Variants in FRAS1 observed in about 807,000 individuals in gnomAD.
The protein encoded by FRAS1 is Fraser extracellular matrix complex subunit 1.
Under a neutral mutation model 435.2 loss-of-function variants are expected in FRAS1, and 290 were observed. That is an observed-to-expected ratio of 0.67 (90% CI 0.61 to 0.73). The LOEUF (loss-of-function observed/expected upper bound fraction) is 0.73, where lower values mean the gene tolerates loss of function less well. Ranked by LOEUF, FRAS1 falls within the 30% of genes least tolerant of loss-of-function variation. The probability of loss-of-function intolerance (pLI) is 0.00; values close to 1 mark genes in which losing one functional copy is unlikely to be tolerated. For synonymous variants in FRAS1, 1,800 were observed against 1,851.0 expected, an observed-to-expected ratio of 0.97 and a Z score of 0.71; for missense variants, 4,860 against 5,001.5, an observed-to-expected ratio of 0.97 and a Z score of 0.85.
intron 18 of FRAS1, among the ~76,000 whole-genome samples, chr4:78,324,465 C>A (rs1034347435): frequency 2.6e-5 from 4 of 152,126 alleles, no homozygotes; most frequent in Non-Finnish European, 5.9e-5. Context: ...ATAACACACA[C>A]ACACGAACAC....
chr4:78,242,280 C>T (rs1453709014), intron 3 of FRAS1, among the ~76,000 whole-genome samples: 1 of 152,150 alleles, frequency 6.6e-6, no homozygotes, highest in Non-Finnish European at 1.5e-5. Context: ...GAACCTTGGG[C>T]CTTGGCTCAT....
intron 2 of FRAS1, among the ~76,000 whole-genome samples, chr4:78,197,940 C>CAAA (rs5859609): frequency 6.9e-6 from 1 of 144,708 alleles, no homozygotes. Context: ...GACTCCCTCT[C>CAAA]AAAAAAAAAA....
chr4:78,536,384 C>T (rs1467201805), intron 71 of FRAS1, among the ~76,000 whole-genome samples: 1 of 152,084 alleles, frequency 6.6e-6, no homozygotes, highest in Non-Finnish European at 1.5e-5. Context: ...GACATACCTT[C>T]CTCTATTGTG....
intron 9 of FRAS1, among the ~76,000 whole-genome samples, chr4:78,274,845 C>T (rs1726911971): frequency 6.6e-6 from 1 of 152,172 alleles, no homozygotes; most frequent in Non-Finnish European, 1.5e-5. Context: ...TGGTGCAGAG[C>T]TGAGTTCAAT....
At chr4:78,435,938 G>A (rs1431600140) in intron 38 of FRAS1, among the ~76,000 whole-genome samples, 1 of 152,034 alleles carries the variant, frequency 6.6e-6, no homozygotes, top group Admixed American at 6.5e-5. Flanking sequence ...AATCTTTGTA[G>A]AATATAAGTT....
chr4:78,319,231 G>A (rs913549571), intron 18 of FRAS1: 39 of 537,968 alleles, frequency 7.2e-5, no homozygotes, highest in Middle Eastern at 4.3e-4. Flanking sequence ...GGTTCCATTC[G>A]CAGGAGTCCC....
chr4:78,535,573 C>T (rs970821104), intron 71 of FRAS1, among the ~76,000 whole-genome samples: 1 of 152,176 alleles, frequency 6.6e-6, no homozygotes, highest in African/African-American at 2.4e-5. Flanking sequence ...TCCTCAACTT[C>T]CCCTTCCTAC....
chr4:78,121,282 C>G (rs1323119654), intron 2 of FRAS1, among the ~76,000 whole-genome samples: 6 of 152,182 alleles, frequency 3.9e-5, no homozygotes, highest in Non-Finnish European at 2.9e-5. Flanking sequence ...AAACAAGTTT[C>G]TTTGAACTAT....
intron 2 of FRAS1, among the ~76,000 whole-genome samples, chr4:78,234,371 A>G (rs931491134): frequency 2.6e-4 from 39 of 151,006 alleles, no homozygotes; most frequent in Middle Eastern, 3.5e-3. Flanking sequence ...GACTACAGGC[A>G]CCCGCCACTG....
intron 25 of FRAS1, among the ~76,000 whole-genome samples, 159 bp downstream of exon 25, chr4:78,374,410 C>T (rs1487681280): frequency 6.6e-6 from 1 of 152,154 alleles, no homozygotes; most frequent in African/African-American, 2.4e-5. Context: ...GCATATCTGC[C>T]GTATGTTGGT....
intron 52 of FRAS1, among the ~76,000 whole-genome samples, 186 bp from the exon 53 acceptor site, chr4:78,473,252 C>A (rs1719762391): frequency 6.6e-6 from 1 of 151,938 alleles, no homozygotes; most frequent in Non-Finnish European, 1.5e-5. Context: ...TTTCACAGAG[C>A]TTCAGGATTT....
intron 2 of FRAS1, among the ~76,000 whole-genome samples, chr4:78,114,734 A>C (rs1743020436): frequency 6.6e-6 from 1 of 152,238 alleles, no homozygotes; most frequent in East Asian, 1.9e-4. Flanking sequence ...TTGGGCTGAT[A>C]CGATGGGGTT....
intron 2 of FRAS1, among the ~76,000 whole-genome samples, chr4:78,080,099 G>T (rs975317291): frequency 7.9e-5 from 12 of 152,076 alleles, no homozygotes. Context: ...AGGTGGAATG[G>T]CATCTCACCT....
chr4:78,498,231 C>T (rs940316486), intron 60 of FRAS1, among the ~76,000 whole-genome samples: 3 of 152,166 alleles, frequency 2.0e-5, no homozygotes, highest in East Asian at 3.8e-4. Flanking sequence ...TAAAAAAGGC[C>T]GGGTGCAGTG....
chr4:78,090,153 G>A (rs1741437681), intron 2 of FRAS1, among the ~76,000 whole-genome samples: 1 of 152,192 alleles, frequency 6.6e-6, no homozygotes, highest in African/African-American at 2.4e-5. Flanking sequence ...AATGTGCATA[G>A]GCTGGAAAGA....
chr4:78,204,806 A>G (rs1184287490), intron 2 of FRAS1, among the ~76,000 whole-genome samples: 1 of 152,264 alleles, frequency 6.6e-6, no homozygotes, highest in Non-Finnish European at 1.5e-5. Context: ...AGACATCACT[A>G]CAATGAAAGC....
chr4:78,432,855 C>T (rs1255690986), intron 38 of FRAS1, among the ~76,000 whole-genome samples: 1 of 152,092 alleles, frequency 6.6e-6, no homozygotes, highest in East Asian at 1.9e-4. Flanking sequence ...TGTTTGTCAA[C>T]AGAAGAGGGG....
chr4:78,343,157 G>A (rs527812746), intron 20 of FRAS1, among the ~76,000 whole-genome samples: 2 of 152,242 alleles, frequency 1.3e-5, no homozygotes, highest in South Asian at 2.1e-4. Context: ...TTTATTGCAG[G>A]ATTTCTGAGA....
Position 78,379,897 on chromosome 4 carries a change from G to A in FRAS1, c.3464G>A (p.Arg1155Lys), listed in dbSNP as rs1331609025. The A allele has an allele frequency of 1.9e-6, 3 of 1,613,906 alleles. No homozygotes were observed. Among genetic ancestry groups the A allele is most frequent in the Admixed American group, 3.3e-5 (2 of 60,004 alleles). ...TPTNGQLVLS[R>K]NGKEVQLDKA... ...ACCAATGGTCAGCTAGTGCTCTCAA[G>A]AAATGGAAAAGAGGTTCAGCTGGAC... is the stretch of plus-strand genomic sequence containing the variant. Residue 1155 changes from arginine (R) to lysine (K), a missense_variant, in exon 27 of 74, where the codon AGA becomes AAA. Coordinates refer to ENST00000512123, the MANE Select transcript of FRAS1 (RefSeq NM_025074.7).
Sources: gnomAD v4.1 joint callset for allele counts (sites outside exome capture counted in the v4.1 genomes callset) on GRCh38, gnomAD v4.1.1 for gene constraint, MANE v1.5 for transcripts, NCBI Gene and HGNC (gene_info 2026-07-23, HGNC 2026-07-21) for gene names.